The following AK5 variants were observed in gnomAD, a reference collection of about 807,000 sequenced individuals.
The protein encoded by AK5 is adenylate kinase isoenzyme 5.
AK5 carries 27 observed loss-of-function variants against 69.5 expected under a neutral mutation model. That is an observed-to-expected ratio of 0.39 (90% CI 0.29 to 0.54). The LOEUF is 0.54. Ranked by LOEUF, AK5 falls within the 20% of genes least tolerant of loss-of-function variation. The probability of loss-of-function intolerance (pLI) is 0.71; values close to 1 mark genes in which losing one functional copy is unlikely to be tolerated. For missense variants in AK5, 531 were observed against 700.4 expected (o/e 0.76, Z 2.73); for synonymous variants, 260 against 244.4 (o/e 1.06, Z -0.60).
At chr1:77,372,417 G>A (rs1266903482) in intron 6 of AK5, among the ~76,000 whole-genome samples, 4 of 152,122 alleles carry the variant, frequency 2.6e-5, no homozygotes, top group Non-Finnish European at 5.9e-5. Context: ...TGGAAAAACA[G>A]TTATTACATT....
chr1:77,416,989 C>G (rs1650471501), intron 7 of AK5, among the ~76,000 whole-genome samples: 1 of 152,000 alleles, frequency 6.6e-6, no homozygotes, highest in Non-Finnish European at 1.5e-5. Context: ...TAAGTCTGAG[C>G]CTTGGGGATT....
intron 1 of AK5, 104 bp from the exon 2 acceptor site, chr1:77,286,837 A>G (rs1658380125): frequency 2.8e-6 from 2 of 706,346 alleles, no homozygotes; most frequent in Non-Finnish European, 4.0e-6. Context: ...GCAGAGTGAG[A>G]CTCTATTTCA....
chr1:77,310,796 G>A (rs1260921526), intron 5 of AK5, among the ~76,000 whole-genome samples: 1 of 152,094 alleles, frequency 6.6e-6, no homozygotes, highest in Non-Finnish European at 1.5e-5. Context: ...ATTATATTAT[G>A]TATATAGATT....
At chr1:77,355,896 CACACACACAT>C (rs1662490512) in intron 6 of AK5, among the ~76,000 whole-genome samples, 1 of 148,700 alleles carries the variant, frequency 6.7e-6, no homozygotes. Context: ...CACACACACA[CACACACACAT>C]ATATATATAC....
intron 8 of AK5, among the ~76,000 whole-genome samples, chr1:77,448,776 A>G (rs1199257211): frequency 1.3e-5 from 2 of 152,186 alleles, no homozygotes; most frequent in African/African-American, 2.4e-5. Context: ...CAGACTTAGG[A>G]ACTCCCTGAG....
chr1:77,282,491 T>A (rs1200800162), intron 1 of AK5, 118 bp downstream of exon 1: 38 of 1,401,564 alleles, frequency 2.7e-5, no homozygotes, highest in Non-Finnish European at 3.5e-5. Context: ...TGAAGGGGCT[T>A]GTAGAAGCGC....
intron 8 of AK5, among the ~76,000 whole-genome samples, chr1:77,460,550 T>C (rs1653769432): frequency 1.3e-5 from 2 of 152,198 alleles, no homozygotes; most frequent in South Asian, 4.1e-4. Flanking sequence ...TTTAAAATGA[T>C]TCAGAAGGAC....
At chr1:77,326,152 G>C (rs1660792631) in intron 5 of AK5, among the ~76,000 whole-genome samples, 2 of 152,116 alleles carry the variant, frequency 1.3e-5, no homozygotes, top group Admixed American at 6.5e-5. Flanking sequence ...ATATGAAAGA[G>C]GAGAGTTATT....
chr1:77,341,418 T>C (rs1357109399), intron 6 of AK5, among the ~76,000 whole-genome samples: 4 of 152,168 alleles, frequency 2.6e-5, no homozygotes, highest in African/African-American at 9.7e-5. Context: ...CTCTCAGCCC[T>C]CGGGCCCGGG....
intron 13 of AK5, among the ~76,000 whole-genome samples, chr1:77,554,789 T>TTA: frequency 6.7e-6 from 1 of 148,508 alleles, no homozygotes; most frequent in South Asian, 2.1e-4. Context: ...TTTTTTTTTT[T>TTA]GTATTTTTAG....
chr1:77,426,294 C>T (rs75352924), intron 8 of AK5, among the ~76,000 whole-genome samples: 1 of 152,110 alleles, frequency 6.6e-6, no homozygotes, highest in Non-Finnish European at 1.5e-5. Context: ...AAAGCTCTAC[C>T]ACGCTAACGC....
chr1:77,407,788 C>T (rs1177902219), intron 6 of AK5, among the ~76,000 whole-genome samples: 1 of 151,918 alleles, frequency 6.6e-6, no homozygotes, highest in African/African-American at 2.4e-5. Flanking sequence ...CACCTTCCCT[C>T]CCCTCTCTAG....
chr1:77,402,470 G>A (rs12068504), intron 6 of AK5, among the ~76,000 whole-genome samples: 21,774 of 122,730 alleles, frequency 0.18, 1,950 homozygotes, highest in Middle Eastern at 0.34. Flanking sequence ...AACAGTCCCC[G>A]GTGTGTGATG....
At chr1:77,507,357 TC>T in intron 10 of AK5, among the ~76,000 whole-genome samples, 2 of 152,360 alleles carry the variant, frequency 1.3e-5, no homozygotes, top group Admixed American at 1.3e-4. Flanking sequence ...GGTTTCTTCA[TC>T]TTGTTATAGG....
chr1:77,432,097 G>C (rs562483564), intron 8 of AK5, among the ~76,000 whole-genome samples: 2 of 151,896 alleles, frequency 1.3e-5, no homozygotes, highest in Non-Finnish European at 2.9e-5. Context: ...AGCTGTTTTT[G>C]GTTTTGTTTT....
Position 77,519,513 on chromosome 1 carries a change from C to A in AK5, c.1311+786C>A, listed in dbSNP as rs180678473. On this transcript the variant is annotated intron_variant, in intron 11 of 13. Transcript: ENST00000354567. ...AGACCCCAAGAGAGGGTTCTTGGAT[C>A]TTGTGCAAGAAAGAATTCAGGGCAA... Among the ~76,000 whole-genome samples the A allele has an allele frequency of 2.7e-3, 415 of 152,290 alleles. 3 individuals carry two copies. The highest frequency in any genetic ancestry group is 6.8e-3 in the Middle Eastern group (2 of 294).
intron 13 of AK5, among the ~76,000 whole-genome samples, chr1:77,557,650 ATC>A (rs1660177591): frequency 6.6e-6 from 1 of 151,402 alleles, no homozygotes; most frequent in Middle Eastern, 3.4e-3. Context: ...TCTTCTCCAC[ATC>A]TCTCTCCCTC....
At chr1:77,350,466 G>A (rs1018232481) in intron 6 of AK5, among the ~76,000 whole-genome samples, 3 of 152,168 alleles carry the variant, frequency 2.0e-5, no homozygotes, top group Non-Finnish European at 4.4e-5. Flanking sequence ...TGTTGGCAAG[G>A]GCCACATTGA....
chr1:77,376,744 C>T (rs1647279125), intron 6 of AK5, among the ~76,000 whole-genome samples: 1 of 151,868 alleles, frequency 6.6e-6, no homozygotes, highest in Admixed American at 6.6e-5. Flanking sequence ...AGTTTGAGAC[C>T]AGCTGGGCAG....
Sources: gnomAD v4.1 joint callset for allele counts (sites outside exome capture counted in the v4.1 genomes callset) on GRCh38, gnomAD v4.1.1 for gene constraint, MANE v1.5 for transcripts, NCBI Gene and HGNC (gene_info 2026-07-23, HGNC 2026-07-21) for gene names.